RANBP2: variants seen among roughly 807,000 people sequenced by gnomAD.
RANBP2 encodes RAN binding protein 2, also known as E3 SUMO-protein ligase RanBP2.
A neutral mutation model predicts 303.6 loss-of-function variants in RANBP2; 57 were observed. The observed-to-expected ratio is 0.19, with a 90% CI of 0.15 to 0.23. RANBP2 has a LOEUF of 0.23. Among genes scored for constraint, RANBP2 ranks in the 10% least tolerant of loss-of-function variants. RANBP2 has a pLI of 1.00. For synonymous variants in RANBP2, 1,167 were observed against 1,301.5 expected (o/e 0.90, Z 2.23); for missense variants, 3,138 against 3,780.8 (o/e 0.83, Z 4.46).
chr2:108,726,841 G>A (rs1448684473), intron 1 of RANBP2, among the ~76,000 whole-genome samples: 5 of 151,924 alleles, frequency 3.3e-5, no homozygotes, highest in African/African-American at 7.3e-5. Context: ...GACTCTTAAC[G>A]AGCATGCTGC....
chr2:109,099,504 G>A, the RANBP2 span, among the ~76,000 whole-genome samples: 1 of 152,158 alleles, frequency 6.6e-6, no homozygotes, highest in East Asian at 1.9e-4. Flanking sequence ...GGTTAGCAAG[G>A]TGGCGTACAG....
At chr2:108,853,528 CTT>C in the RANBP2 span, among the ~76,000 whole-genome samples, 26 of 139,004 alleles carry the variant, frequency 1.9e-4, no homozygotes, top group Non-Finnish European at 1.9e-4. Flanking sequence ...TGATAGCTTT[CTT>C]TTTTTTTTTT....
intron 7 of RANBP2, among the ~76,000 whole-genome samples, chr2:108,744,174 C>CGG (rs1558892730): frequency 6.6e-6 from 1 of 152,150 alleles, no homozygotes; most frequent in Non-Finnish European, 1.5e-5. Context: ...GAGGCTGAGG[C>CGG]GGGCGGATCA....
At chr2:109,227,225 A>C in the RANBP2 span, among the ~76,000 whole-genome samples, 1 of 152,284 alleles carries the variant, frequency 6.6e-6, no homozygotes, top group African/African-American at 2.4e-5. Context: ...CCCAGGCCTC[A>C]GGGGCTGAAA....
At chr2:109,368,898 C>T in the RANBP2 span, among the ~76,000 whole-genome samples, 4 of 152,038 alleles carry the variant, frequency 2.6e-5, no homozygotes, top group African/African-American at 9.7e-5. Flanking sequence ...AGCCTTAGGC[C>T]CTTAGGCTGA....
chr2:109,606,521 A>C, the RANBP2 span, among the ~76,000 whole-genome samples: 1 of 152,218 alleles, frequency 6.6e-6, no homozygotes, highest in South Asian at 2.1e-4. Flanking sequence ...GGACATAGTT[A>C]TAGCCATAAA....
chr2:108,768,522 T>C, intron 20 of RANBP2, 134 bp downstream of exon 20: 5 of 1,521,752 alleles, frequency 3.3e-6, no homozygotes, highest in Non-Finnish European at 3.5e-6. Context: ...ATTTGAGCAA[T>C]TTTTTTTCTC....
chr2:108,924,023 T>C, the RANBP2 span, among the ~76,000 whole-genome samples: 1 of 152,242 alleles, frequency 6.6e-6, no homozygotes, highest in Admixed American at 6.5e-5. Context: ...GCCCTCATGA[T>C]AGCTGGCAAC....
At chr2:108,811,543 T>C in the RANBP2 span, among the ~76,000 whole-genome samples, 153 of 152,168 alleles carry the variant, frequency 1.0e-3, no homozygotes, top group African/African-American at 3.5e-3. Context: ...GCACTCAGCC[T>C]CTTCTTTTTT....
chr2:108,808,646 T>G, the RANBP2 span, among the ~76,000 whole-genome samples: 1 of 152,220 alleles, frequency 6.6e-6, no homozygotes, highest in Admixed American at 6.5e-5. Context: ...CTGTTGGCTG[T>G]TTGTATGCCT....
the RANBP2 span, among the ~76,000 whole-genome samples, chr2:109,075,852 A>G: frequency 6.6e-6 from 1 of 150,506 alleles, no homozygotes; most frequent in Non-Finnish European, 1.5e-5. Context: ...AAAAAGAAAA[A>G]TCGATGGCTT....
At chr2:109,702,229 C>G in the RANBP2 span, among the ~76,000 whole-genome samples, 13 of 152,150 alleles carry the variant, frequency 8.5e-5, no homozygotes, top group Non-Finnish European at 1.3e-4. Context: ...AAGAGTGGAA[C>G]TTGGGATGTG....
chr2:109,244,572 A>C, the RANBP2 span, among the ~76,000 whole-genome samples: 1 of 152,212 alleles, frequency 6.6e-6, no homozygotes, highest in Non-Finnish European at 1.5e-5. Flanking sequence ...TGTTCCACCT[A>C]ATAGTTGCTA....
Position 108,736,106 on chromosome 2 carries a change from A to G in RANBP2, c.639A>G (p.Glu213=). 3.7e-6 allele frequency: 6 copies of G among 1,611,846 alleles called. No individual in the cohort carries two copies. The highest frequency in any genetic ancestry group is 5.1e-6 in the Non-Finnish European group (6 of 1,179,796). The change falls in exon 6 of 29, where the codon GAA becomes GAG. Residue 213 remains glutamate (E), a splice_region_variant and synonymous_variant. Transcript: ENST00000283195. ...TTACTGTTCATTCCACAAAATAGGAATATCTGGAGTCTTTACAGTGTTTGG... is the reference window on the plus strand; with the variant it reads ...TTACTGTTCATTCCACAAAATAGGAGTATCTGGAGTCTTTACAGTGTTTGG... ...WNSCVVQTLK[E]YLESLQCLES... is the part of the protein sequence containing the mutation.
At chr2:109,091,004 A>G in the RANBP2 span, among the ~76,000 whole-genome samples, 1 of 152,136 alleles carries the variant, frequency 6.6e-6, no homozygotes, top group African/African-American at 2.4e-5. Flanking sequence ...TTTGTTCATC[A>G]TGGACCTTTT....
chr2:108,786,759 C>G, downstream of RANBP2: 1 of 1,454,246 alleles, frequency 6.9e-7, no homozygotes, highest in Non-Finnish European at 9.5e-7. Context: ...CGCACTGCGG[C>G]CGCGTAGCGC....
chr2:108,735,404 A>T (rs1455462248), intron 4 of RANBP2, 128 bp from the exon 5 acceptor site: 6 of 1,562,722 alleles, frequency 3.8e-6, no homozygotes, highest in Non-Finnish European at 5.2e-6. Flanking sequence ...AATAAGGTAT[A>T]TAGGATGGTG....
chr2:108,849,492 C>T, the RANBP2 span, among the ~76,000 whole-genome samples: 1 of 152,202 alleles, frequency 6.6e-6, no homozygotes, highest in South Asian at 2.1e-4. Context: ...CTCTCCATGA[C>T]CTTTTCAGTG....
the RANBP2 span, among the ~76,000 whole-genome samples, chr2:109,078,062 G>C: frequency 1.1e-5 from 1 of 88,744 alleles, no homozygotes; most frequent in Admixed American, 1.4e-4. Flanking sequence ...CAACCTAACT[G>C]TCCATTGACA....
Sources: allele counts gnomAD v4.1 joint callset (sites outside exome capture counted in the v4.1 genomes callset), GRCh38; gene constraint gnomAD v4.1.1; transcripts MANE v1.5; gene names NCBI Gene and HGNC (gene_info 2026-07-23, HGNC 2026-07-21).